The following ZNF582 variants were observed in gnomAD, a reference collection of about 807,000 sequenced individuals.
The protein encoded by ZNF582 is zinc finger protein 582.
ZNF582 carries 14 observed loss-of-function variants against 12.3 expected under a neutral mutation model. That is an observed-to-expected ratio of 1.14 (90% CI 0.75 to 1.78). ZNF582 has a LOEUF of 1.78. Among genes scored for constraint, ZNF582 ranks in the 40% most tolerant of loss-of-function variants. The pLI is 0.00. For synonymous variants in ZNF582, 210 were observed against 207.2 expected, an observed-to-expected ratio of 1.01 and a Z score of -0.11; for missense variants, 567 against 616.5, an observed-to-expected ratio of 0.92 and a Z score of 0.85.
At chr19:56,391,792 G>A (rs751392532) in exon 2 of ZNF582, 1 of 1,614,178 alleles carries the variant, frequency 6.2e-7, no homozygotes, top group Admixed American at 1.7e-5. Context: ...CCTCCTTCTG[G>A]TTCCTCTCTT....
At chr19:56,385,001 A>C (rs2147506440) in exon 5 of ZNF582, 2 of 1,614,120 alleles carry the variant, frequency 1.2e-6, no homozygotes, top group Non-Finnish European at 8.5e-7. Context: ...CATCTGATGG[A>C]AATGTCTGTC....
At chr19:56,393,167 G>A in intron 1 of ZNF582, 53 bp downstream of exon 1, 1 of 1,241,412 alleles carries the variant, frequency 8.1e-7, no homozygotes, top group Non-Finnish European at 1.0e-6. Context: ...ACGCATAACA[G>A]TGAATGCAAA....
Position 56,383,834 on chromosome 19 carries a change from G to C in ZNF582, c.*29C>G, listed in dbSNP as rs780687994. On this transcript the variant is annotated 3_prime_UTR_variant, in exon 5 of 5. Coordinates refer to ENST00000586929, the Ensembl canonical transcript of ZNF582. ...ACATTCTTCAAGTCTTTCTCCAAGA[G>C]GGAGAAGTAAGTCACAGTCACAATT... The C allele has an allele frequency of 4.0e-6, 6 of 1,518,644 alleles. No individual in the cohort carries two copies. The South Asian group carries it at 4.1e-5, about 10-fold the overall frequency. The allele number at this position is 1,518,644 out of a possible 1,614,324, so 94.1% of individuals were successfully genotyped here.
At chr19:56,391,714 A>G (rs769046797) in intron 2 of ZNF582, 30 bp downstream of exon 2, 4 of 1,601,388 alleles carry the variant, frequency 2.5e-6, no homozygotes, top group Non-Finnish European at 3.4e-6. Context: ...AGATAAGGAA[A>G]GCAAATATTT....
At chr19:56,385,599 C>T (rs1184177733) in intron 4 of ZNF582, among the ~76,000 whole-genome samples, 1 of 151,668 alleles carries the variant, frequency 6.6e-6, no homozygotes, top group Non-Finnish European at 1.5e-5. Flanking sequence ...ACTGCTTAAG[C>T]CCAGGAGTTA....
chr19:56,391,118 C>T (rs2042010661), intron 2 of ZNF582, among the ~76,000 whole-genome samples: 2 of 152,128 alleles, frequency 1.3e-5, no homozygotes, highest in South Asian at 4.1e-4. Context: ...TATTTTGGAT[C>T]CCGAGGTTGG....
intron 1 of ZNF582, 128 bp from the exon 2 acceptor site, chr19:56,391,960 A>G (rs2042017588): frequency 1.7e-5 from 12 of 723,436 alleles, no homozygotes; most frequent in Non-Finnish European, 2.7e-5. Flanking sequence ...AGGCAAAGGG[A>G]TCCTCACCCA....
At chr19:56,388,240 T>C (rs1056933504) in intron 4 of ZNF582, 2 of 152,028 alleles carry the variant, frequency 1.3e-5, no homozygotes, top group Non-Finnish European at 2.9e-5. Flanking sequence ...ATAATGATAA[T>C]GGGTAATAAT....
exon 5 of ZNF582, chr19:56,384,514 A>T (rs746820513): frequency 1.7e-5 from 27 of 1,613,216 alleles, no homozygotes; most frequent in Non-Finnish European, 1.4e-5. Context: ...GAATTCTATA[A>T]TGTACTTTAA....
chr19:56,390,575 C>T, intron 2 of ZNF582, 74 bp from the exon 3 acceptor site: 1 of 1,555,276 alleles, frequency 6.4e-7, no homozygotes. Context: ...TGGGGCAGGT[C>T]TTTGCGGGAG....
At position 56,390,620 on chromosome 19, in the gene ZNF582, T is replaced by C. The variant is rs962677273; in HGVS notation, c.10-119A>G. The C allele has an allele frequency of 1.7e-5, 18 of 1,053,494 alleles. No individual in the cohort carries two copies. The Admixed American group carries it at 3.0e-4, about 17-fold the overall frequency. 65.3% of individuals were successfully genotyped at this position (1,053,494 alleles called of 1,614,324 possible). A position where few individuals can be genotyped will look rare whatever the true frequency, so the allele number is the denominator to read the frequency against. On this transcript the variant is annotated intron_variant, in intron 2 of 4. Coordinates refer to ENST00000586929, the Ensembl canonical transcript of ZNF582. ...TTTTGTTGAACAAGAAGGGTGGGAC[T>C]GAATGTGAAAGGTGACAGAAGAAAT... is the stretch of plus-strand genomic sequence containing the variant.
chr19:56,391,043 T>A (rs770825769), intron 2 of ZNF582, among the ~76,000 whole-genome samples: 2 of 152,210 alleles, frequency 1.3e-5, no homozygotes, highest in Non-Finnish European at 2.9e-5. Flanking sequence ...GGAAAAACCA[T>A]GGAGATAACT....
At chr19:56,386,647 ACC>A (rs1369227602) in intron 4 of ZNF582, 1 of 152,206 alleles carries the variant, frequency 6.6e-6, no homozygotes, top group Non-Finnish European at 1.5e-5. Context: ...ATAGCAACCA[ACC>A]CCAGTTGACT....
intron 4 of ZNF582, among the ~76,000 whole-genome samples, chr19:56,389,538 G>T (rs746309635): frequency 6.6e-6 from 1 of 152,086 alleles, no homozygotes; most frequent in African/African-American, 2.4e-5. Context: ...AAGGTTGGGC[G>T]GAGGGAGAGA....
chr19:56,385,671 T>TAAAAAAA (rs79502192), intron 4 of ZNF582, among the ~76,000 whole-genome samples: 1 of 135,458 alleles, frequency 7.4e-6, no homozygotes, highest in Non-Finnish European at 1.6e-5. Flanking sequence ...AGGGAGACTT[T>TAAAAAAA]AAAAAAAAAA....
In ZNF582 at chr19:56,390,516, A is replaced by G. The variant is rs375640829; in HGVS notation, c.10-15T>C. 5 of 1,613,828 alleles carry G rather than the reference A, an allele frequency of 3.1e-6. No individual in the cohort carries two copies. In the African/African-American group the frequency reaches 5.3e-5, roughly 17 times the overall value. On this transcript the variant is annotated splice_polypyrimidine_tract_variant and intron_variant, in intron 2 of 4. Transcript: ENST00000586929. The stretch of plus-strand genomic sequence containing the variant: ...AATTCTGACCCCTGGAATGACAGGC[A>G]TGTATGATATATATGTATTTCAATG...
rs183725871 is a variant in ZNF582 at position 56,392,237 on chromosome 19, C to G, written c.-80-405G>C. Among the ~76,000 whole-genome samples, 9 of 152,362 alleles carry G rather than the reference C, an allele frequency of 5.9e-5. No individual in the cohort carries two copies. The East Asian group carries it at 1.7e-3, about 29-fold the overall frequency. ...CTTTCCAGGACTAGGCCATTTAACTCTCTCCTGCAGCAAATATAACACCTT... is the reference window on the plus strand; with the variant it reads ...CTTTCCAGGACTAGGCCATTTAACTGTCTCCTGCAGCAAATATAACACCTT... On this transcript the variant is annotated intron_variant, in intron 1 of 4. Transcript: ENST00000586929.
intron 4 of ZNF582, among the ~76,000 whole-genome samples, chr19:56,389,605 G>GGGTGA (rs2041998744): frequency 2.0e-5 from 3 of 151,884 alleles, no homozygotes; most frequent in African/African-American, 7.3e-5. Flanking sequence ...GAAATAATCT[G>GGGTGA]TAAACAAACC....
In ZNF582 at chr19:56,383,849, C is replaced by T. The variant is rs934462183; in HGVS notation, c.*14G>A. The T allele has an allele frequency of 2.6e-6, 4 of 1,527,596 alleles. No homozygotes were observed. In the Middle Eastern group the frequency reaches 5.5e-4, roughly 208 times the overall value. The allele number at this position is 1,527,596 out of a possible 1,614,324, so 94.6% of individuals were successfully genotyped here. A position where few individuals can be genotyped will look rare whatever the true frequency, so the allele number is the denominator to read the frequency against. ...TTCTCCAAGAGGGAGAAGTAAGTCACAGTCACAATTAGCCTAGGCTAATGG... is the reference window on the plus strand; with the variant it reads ...TTCTCCAAGAGGGAGAAGTAAGTCATAGTCACAATTAGCCTAGGCTAATGG... On this transcript the variant is annotated 3_prime_UTR_variant, in exon 5 of 5. Transcript: ENST00000586929.
Sources: allele counts gnomAD v4.1 joint callset (sites outside exome capture counted in the v4.1 genomes callset), GRCh38; gene constraint gnomAD v4.1.1; transcripts MANE v1.5; gene names NCBI Gene and HGNC (gene_info 2026-07-23, HGNC 2026-07-21).